The following TMEM130 variants were observed in gnomAD, a reference collection of about 807,000 sequenced individuals.
The protein encoded by TMEM130 is transmembrane protein 130.
A neutral mutation model predicts 42.9 loss-of-function variants in TMEM130; 37 were observed. That is an observed-to-expected ratio of 0.86 (90% CI 0.66 to 1.13). The LOEUF is 1.13. Ranked by LOEUF, TMEM130 falls within the 50% of genes most tolerant of loss-of-function variation. The probability of loss-of-function intolerance (pLI) is 0.00; values close to 1 mark genes in which losing one functional copy is unlikely to be tolerated. For missense variants in TMEM130, 545 were observed against 562.6 expected, an observed-to-expected ratio of 0.97 and a Z score of 0.32; for synonymous variants, 259 against 237.7, an observed-to-expected ratio of 1.09 and a Z score of -0.82.
At chr7:98,852,635 C>T (rs1794537558) in intron 5 of TMEM130, among the ~76,000 whole-genome samples, 1 of 152,070 alleles carries the variant, frequency 6.6e-6, no homozygotes. Flanking sequence ...CACTCTGTCA[C>T]CCAGGCTGGA....
At chr7:98,849,208 G>T (rs1794433562) in intron 6 of TMEM130, among the ~76,000 whole-genome samples, 1 of 152,134 alleles carries the variant, frequency 6.6e-6, no homozygotes, top group Non-Finnish European at 1.5e-5. Context: ...GCTATGAAAT[G>T]GTATGGTAGA....
chr7:98,850,273 A>ATATATTTTT, intron 6 of TMEM130, among the ~76,000 whole-genome samples: 2 of 35,466 alleles, frequency 5.6e-5, no homozygotes, highest in East Asian at 7.7e-4. Flanking sequence ...ATATATATAT[A>ATATATTTTT]TTTTTTTTTT....
In TMEM130 at chr7:98,860,212, G is replaced by A; in HGVS notation, c.518C>T (p.Ala173Val). Residue 173 changes from alanine (A) to valine (V), a missense_variant, in exon 3 of 8, where the codon GCC (alanine) becomes GTC (valine). By Grantham distance (64) the Ala-to-Val change is moderately conservative (BLOSUM62 0). Transcript: ENST00000339375. Reference sequence around the variant, plus strand: ...GAAGTCCCAGCTGTAGAGAAACAAGGCGGTCTTGAGGAAGTTGCTCGGGTC... The same window carrying A: ...GAAGTCCCAGCTGTAGAGAAACAAGACGGTCTTGAGGAAGTTGCTCGGGTC... ...LHDPSNFLKT[A>V]LFLYSWDFGD... 1 of 1,614,086 alleles carries A rather than the reference G, an allele frequency of 6.2e-7. No individual in the cohort carries two copies. Among genetic ancestry groups the A allele is most frequent in the East Asian group, 2.2e-5 (1 of 44,886 alleles).
chr7:98,868,673 G>C (rs1794962400), intron 1 of TMEM130, among the ~76,000 whole-genome samples: 1 of 152,180 alleles, frequency 6.6e-6, no homozygotes, highest in Non-Finnish European at 1.5e-5. Flanking sequence ...TCCACTCTTA[G>C]CCACTGTGAT....
At chr7:98,859,481 G>T (rs1469546895) in intron 3 of TMEM130, among the ~76,000 whole-genome samples, 2 of 152,102 alleles carry the variant, frequency 1.3e-5, no homozygotes. Flanking sequence ...ACAAAGGCAG[G>T]GCTAGTGGCT....
In TMEM130 at chr7:98,855,239, C is replaced by T; in HGVS notation, c.803+1G>A. The T allele has an allele frequency of 6.2e-7, 1 of 1,612,776 alleles. No individual in the cohort carries two copies. The highest frequency in any genetic ancestry group is 8.5e-7 in the Non-Finnish European group (1 of 1,179,252). ...CCCAGTGCGCTCTGGAGCTCACTTA[C>T]CTCCCCAGGAAGTTCAAGGTCACGG... On this transcript the variant is annotated splice_donor_variant, in intron 5 of 7. Transcript: ENST00000339375. LOFTEE classifies it high-confidence loss of function.
chr7:98,869,211 A>G lies in TMEM130; in HGVS notation c.85+566T>C. The G allele has an allele frequency of 3.1e-6, 4 of 1,288,944 alleles. No homozygotes were observed. Among genetic ancestry groups the G allele is most frequent in the Non-Finnish European group, 4.0e-6 (4 of 988,694 alleles). 79.8% of individuals were successfully genotyped at this position (1,288,944 alleles called of 1,614,324 possible). On this transcript the variant is annotated intron_variant, in intron 1 of 7. Transcript: ENST00000339375. The surrounding 1 kb of genome is among the most constrained non-coding windows in gnomAD (Gnocchi z 4.7). ...CCCCCACCCACACACACACCCCAGG[A>G]ACCTGTCAGCTCCGGGTCCATTTTG...
Position 98,856,202 on chromosome 7 carries a change from G to T in TMEM130, c.552-19C>A, listed in dbSNP as rs1554398997. The T allele has an allele frequency of 6.2e-7, 1 of 1,611,058 alleles. No homozygotes were observed. Among genetic ancestry groups the T allele is most frequent in the Non-Finnish European group, 8.5e-7 (1 of 1,178,494 alleles). On this transcript the variant is annotated intron_variant, in intron 3 of 7. Coordinates refer to ENST00000339375, the MANE Select transcript of TMEM130 (RefSeq NM_152913.3). ...CTGGGTCCTGTTAGGAGACAGGGAG[G>T]AGAGAGGAGGAAGACAGCAGACGGT...
intron 3 of TMEM130, among the ~76,000 whole-genome samples, chr7:98,857,968 C>A (rs373369859): frequency 6.6e-6 from 1 of 152,000 alleles, no homozygotes; most frequent in Admixed American, 6.6e-5. Context: ...TCTCAAACTC[C>A]TGACCTCAAG....
intron 2 of TMEM130, 120 bp from the exon 3 acceptor site, chr7:98,860,458 C>G: frequency 9.5e-7 from 1 of 1,049,044 alleles, no homozygotes; most frequent in Non-Finnish European, 1.4e-6. Flanking sequence ...TTCTGGCTGT[C>G]AGAGCTAGGC....
chr7:98,869,557 G>T lies in TMEM130; in HGVS notation c.85+220C>A, dbSNP rs928712120. Among the ~76,000 whole-genome samples, 1 of 152,240 alleles carries T rather than the reference G, an allele frequency of 6.6e-6. No homozygotes were observed. Among genetic ancestry groups the T allele is most frequent in the East Asian group, 1.9e-4 (1 of 5,188 alleles). On this transcript the variant is annotated intron_variant, in intron 1 of 7. Transcript: ENST00000339375. The surrounding 1 kb of genome is among the most constrained non-coding windows in gnomAD (Gnocchi z 4.7). ...GGGGGTGGAAGCAGGAATCCAGGGG[G>T]TGCGGGGAGCCCCCTCCAGTGCCCA... is the stretch of plus-strand genomic sequence containing the variant.
chr7:98,854,401 A>C (rs1161001980), intron 5 of TMEM130, among the ~76,000 whole-genome samples: 1 of 22,210 alleles, frequency 4.5e-5, no homozygotes, highest in Non-Finnish European at 8.1e-4. Context: ...GCCCATGGTG[A>C]ATACAGCCCC....
intron 3 of TMEM130, among the ~76,000 whole-genome samples, chr7:98,857,968 C>G (rs373369859): frequency 1.3e-5 from 2 of 152,000 alleles, no homozygotes; most frequent in South Asian, 2.1e-4. Flanking sequence ...TCTCAAACTC[C>G]TGACCTCAAG....
At chr7:98,857,133 C>T (rs1406320533) in intron 3 of TMEM130, among the ~76,000 whole-genome samples, 2 of 151,964 alleles carry the variant, frequency 1.3e-5, no homozygotes, top group Non-Finnish European at 2.9e-5. Flanking sequence ...TGTTACCCAC[C>T]CTAGTCTCGA....
chr7:98,868,639 G>A (rs1351153296), intron 1 of TMEM130, among the ~76,000 whole-genome samples: 1 of 152,136 alleles, frequency 6.6e-6, no homozygotes, highest in Non-Finnish European at 1.5e-5. Context: ...TCCCCGACGG[G>A]TGAGGGAGAA....
Position 98,847,843 on chromosome 7 carries a change from T to C in TMEM130, c.*213A>G, listed in dbSNP as rs1794394562. ...GGTAACCGAGTGGGGCTTATGTCAG[T>C]GGCTGGACTGTACAGATGGGTGAAT... is the stretch of plus-strand genomic sequence containing the variant. On this transcript the variant is annotated 3_prime_UTR_variant, in exon 8 of 8. Coordinates refer to ENST00000339375, the MANE Select transcript of TMEM130 (RefSeq NM_152913.3). 4.2e-6 allele frequency: 2 copies of C among 478,860 alleles called. No homozygotes were observed. Among genetic ancestry groups the C allele is most frequent in the Non-Finnish European group, 7.4e-6 (2 of 272,068 alleles). The allele number at this position is 478,860 out of a possible 1,614,324, so 29.7% of individuals were successfully genotyped here.
At chr7:98,865,379 G>A (rs538313513) in intron 1 of TMEM130, among the ~76,000 whole-genome samples, 7 of 152,144 alleles carry the variant, frequency 4.6e-5, no homozygotes, top group South Asian at 2.1e-4. Context: ...AGGCCGAGGC[G>A]GGCGGATCAC....
At chr7:98,859,228 C>A (rs1794700611) in intron 3 of TMEM130, among the ~76,000 whole-genome samples, 1 of 151,682 alleles carries the variant, frequency 6.6e-6, no homozygotes, top group Admixed American at 6.6e-5. Flanking sequence ...CCCAGGAGTT[C>A]AAGACCAGCC....
At chr7:98,868,383 A>G (rs1340979734) in intron 1 of TMEM130, among the ~76,000 whole-genome samples, 2 of 152,232 alleles carry the variant, frequency 1.3e-5, no homozygotes, top group Non-Finnish European at 2.9e-5. Flanking sequence ...CACTCACCCC[A>G]AAGCTTGGCC....
Sources: gnomAD v4.1 joint callset for allele counts (sites outside exome capture counted in the v4.1 genomes callset) on GRCh38, gnomAD v4.1.1 for gene constraint, Gnocchi (gnomAD v3.1) non-coding constraint, MANE v1.5 for transcripts, NCBI Gene and HGNC (gene_info 2026-07-23, HGNC 2026-07-21) for gene names.